Variants in LRRC4C observed in about 807,000 individuals in gnomAD.
LRRC4C encodes the protein leucine-rich repeat-containing protein 4C.
LRRC4C carries 5 observed loss-of-function variants against 33.6 expected under a neutral mutation model. That is an observed-to-expected ratio of 0.15 (90% CI 0.08 to 0.31). The LOEUF (loss-of-function observed/expected upper bound fraction) is 0.31, where lower values mean the gene tolerates loss of function less well. LRRC4C is among the 10% of genes least tolerant of loss of function. LRRC4C has a pLI of 1.00. For missense variants in LRRC4C, 560 were observed against 796.7 expected (o/e 0.70, Z 3.58); for synonymous variants, 329 against 302.0 (o/e 1.09, Z -0.93).
At chr11:40,126,969 A>T (rs1471156550) in intron 6 of LRRC4C, among the ~76,000 whole-genome samples, 1 of 150,922 alleles carries the variant, frequency 6.6e-6, no homozygotes, top group African/African-American at 2.5e-5. Context: ...CAAAAAAAAA[A>T]AATAAATAAA....
At chr11:41,052,289 CAGA>C (rs1427707372) in intron 1 of LRRC4C, among the ~76,000 whole-genome samples, 1 of 152,176 alleles carries the variant, frequency 6.6e-6, no homozygotes, top group East Asian at 1.9e-4. Context: ...AAGTCCTTCA[CAGA>C]AGAACTCTTG....
Position 40,282,861 on chromosome 11 carries a change from CAGG to C in LRRC4C, c.-176+36764_-176+36766del, listed in dbSNP as rs567579715. Among the ~76,000 whole-genome samples the C allele has an allele frequency of 3.3e-3, 499 of 152,288 alleles. 2 individuals carry two copies. Among genetic ancestry groups the C allele is most frequent in the Non-Finnish European group, 5.2e-3 (355 of 68,028 alleles). On this transcript the variant is annotated intron_variant, in intron 4 of 6. Transcript: ENST00000528697. ...TATGTATGCCTGGCTCCCACAAAGC[CAGG>C]TGTTCACATGTTGTCAAAAACGATT...
intron 2 of LRRC4C, among the ~76,000 whole-genome samples, chr11:40,809,515 C>A (rs1951394303): frequency 6.6e-6 from 1 of 152,050 alleles, no homozygotes. Flanking sequence ...TATATCCCTC[C>A]CCTGCTGCAT....
chr11:41,293,780 CAG>C (rs1338561035), intron 1 of LRRC4C, among the ~76,000 whole-genome samples: 1 of 151,696 alleles, frequency 6.6e-6, no homozygotes, highest in African/African-American at 2.4e-5. Context: ...GTATTTTTAA[CAG>C]AGACAGGTTT....
chr11:40,528,616 G>A (rs1380300748), intron 3 of LRRC4C, among the ~76,000 whole-genome samples: 1 of 151,924 alleles, frequency 6.6e-6, no homozygotes, highest in Non-Finnish European at 1.5e-5. Flanking sequence ...ACTACCATAT[G>A]ATACAGCAAT....
At chr11:40,613,981 C>T (rs1961498106) in intron 3 of LRRC4C, among the ~76,000 whole-genome samples, 1 of 151,868 alleles carries the variant, frequency 6.6e-6, no homozygotes, top group African/African-American at 2.4e-5. Context: ...TTTGTTGTCT[C>T]ATGTGTAGAT....
chr11:40,194,168 G>C (rs549391771), intron 5 of LRRC4C, among the ~76,000 whole-genome samples: 1 of 152,076 alleles, frequency 6.6e-6, no homozygotes, highest in Non-Finnish European at 1.5e-5. Context: ...GATTCTCTAC[G>C]GTTGAAATGA....
intron 2 of LRRC4C, among the ~76,000 whole-genome samples, chr11:40,789,381 A>C (rs1950542910): frequency 6.6e-6 from 1 of 152,146 alleles, no homozygotes; most frequent in Non-Finnish European, 1.5e-5. Flanking sequence ...TTGCACATCT[A>C]TACATATAAG....
At chr11:40,407,718 C>A (rs1455578241) in intron 3 of LRRC4C, among the ~76,000 whole-genome samples, 1 of 151,996 alleles carries the variant, frequency 6.6e-6, no homozygotes, top group Admixed American at 6.6e-5. Flanking sequence ...TGTATTTAAC[C>A]TTGAAATATG....
At chr11:40,816,993 T>G (rs150536973) in intron 2 of LRRC4C, among the ~76,000 whole-genome samples, 2,851 of 152,248 alleles carry the variant, frequency 0.019, 73 homozygotes, top group Admixed American at 0.072. Flanking sequence ...CTGATAAGTA[T>G]GTCTCTTTTT....
chr11:40,659,681 C>T (rs1416028022), intron 2 of LRRC4C, among the ~76,000 whole-genome samples: 1 of 152,154 alleles, frequency 6.6e-6, no homozygotes, highest in African/African-American at 2.4e-5. Context: ...CACAGAGTTA[C>T]CCACTACAGC....
intron 1 of LRRC4C, among the ~76,000 whole-genome samples, chr11:41,160,706 T>A (rs1045773191): frequency 2.0e-5 from 3 of 152,164 alleles, no homozygotes; most frequent in African/African-American, 7.2e-5. Flanking sequence ...GTGATAATAT[T>A]TGTCCTTTCA....
chr11:40,864,907 A>T (rs1309757620), intron 2 of LRRC4C, among the ~76,000 whole-genome samples: 1 of 152,186 alleles, frequency 6.6e-6, no homozygotes, highest in Non-Finnish European at 1.5e-5. Context: ...CAGGTGATAT[A>T]AAACTGTTTA....
chr11:40,919,792 A>T (rs1454546062), intron 2 of LRRC4C, among the ~76,000 whole-genome samples: 1 of 152,206 alleles, frequency 6.6e-6, no homozygotes, highest in African/African-American at 2.4e-5. Flanking sequence ...CACATTTAAC[A>T]TGAATATTAT....
intron 1 of LRRC4C, among the ~76,000 whole-genome samples, chr11:41,448,122 G>GGTTTTGTTTTTTTTTTTTTTTTTTTTTT (rs1554934483): frequency 2.1e-5 from 1 of 46,948 alleles, no homozygotes; most frequent in Non-Finnish European, 4.4e-5. Context: ...GCACACGTCT[G>GGTTTTGTTTTTTTTTTTTTTTTTTTTTT]TTTTTTTTTT....
chr11:40,694,101 G>A (rs182808013), intron 2 of LRRC4C, among the ~76,000 whole-genome samples: 32 of 152,208 alleles, frequency 2.1e-4, no homozygotes, highest in Admixed American at 1.3e-3. Context: ...TTTCTGCCAC[G>A]TACCGATGTA....
intron 1 of LRRC4C, among the ~76,000 whole-genome samples, chr11:41,234,180 T>G (rs543661348): frequency 1.2e-4 from 18 of 152,074 alleles, no homozygotes; most frequent in Non-Finnish European, 2.5e-4. Flanking sequence ...CCTAATCCAT[T>G]TCCAAGTCTG....
chr11:41,366,894 G>T (rs757694724), intron 1 of LRRC4C, among the ~76,000 whole-genome samples: 36 of 152,198 alleles, frequency 2.4e-4, no homozygotes, highest in Non-Finnish European at 3.8e-4. Flanking sequence ...CCTAGACTCT[G>T]GTATTTTGTC....
At chr11:40,816,991 T>A (rs954499140) in intron 2 of LRRC4C, among the ~76,000 whole-genome samples, 1 of 152,162 alleles carries the variant, frequency 6.6e-6, no homozygotes, top group African/African-American at 2.4e-5. Context: ...AGCTGATAAG[T>A]ATGTCTCTTT....
Sources: gnomAD v4.1 joint callset for allele counts (sites outside exome capture counted in the v4.1 genomes callset) on GRCh38, gnomAD v4.1.1 for gene constraint, MANE v1.5 for transcripts, NCBI Gene and HGNC (gene_info 2026-07-23, HGNC 2026-07-21) for gene names.